The following CPVL variants were observed in gnomAD, a reference collection of about 807,000 sequenced individuals.
CPVL encodes carboxypeptidase vitellogenic like.
Under a neutral mutation model 63.7 loss-of-function variants are expected in CPVL, and 51 were observed. The observed-to-expected ratio is 0.80, with a 90% CI of 0.64 to 1.01. The LOEUF (loss-of-function observed/expected upper bound fraction) is 1.01, where lower values mean the gene tolerates loss of function less well. Among genes scored for constraint, CPVL ranks in the 50% least tolerant of loss-of-function variants. The probability of loss-of-function intolerance (pLI) is 0.00; values close to 1 mark genes in which losing one functional copy is unlikely to be tolerated. For missense variants in CPVL, 530 were observed against 573.1 expected, an observed-to-expected ratio of 0.92 and a Z score of 0.77; for synonymous variants, 195 against 206.0, an observed-to-expected ratio of 0.95 and a Z score of 0.46.
chr7:29,078,670 T>C (rs1784435550), intron 7 of CPVL, among the ~76,000 whole-genome samples: 1 of 152,196 alleles, frequency 6.6e-6, no homozygotes, highest in South Asian at 2.1e-4. Flanking sequence ...TGCTCCAGCA[T>C]GGTAATTCAT....
chr7:29,083,726 G>A (rs1327157765), intron 7 of CPVL, among the ~76,000 whole-genome samples: 1 of 152,116 alleles, frequency 6.6e-6, no homozygotes, highest in East Asian at 1.9e-4. Context: ...ATCAATCAAT[G>A]CCCTGTTTCA....
chr7:29,124,243 A>T (rs916389340), intron 1 of CPVL, among the ~76,000 whole-genome samples: 1 of 152,184 alleles, frequency 6.6e-6, no homozygotes, highest in African/African-American at 2.4e-5. Flanking sequence ...ACCTTATACT[A>T]GACAGAGGAT....
At chr7:29,160,452 T>C (rs769184442) in intron 5 of CPVL, among the ~76,000 whole-genome samples, 4 of 152,216 alleles carry the variant, frequency 2.6e-5, no homozygotes, top group Non-Finnish European at 5.9e-5. Flanking sequence ...AGTTGAGTCA[T>C]GTTTGACCCT....
intron 12 of CPVL, among the ~76,000 whole-genome samples, chr7:29,024,136 G>A (rs984307223): frequency 6.6e-6 from 1 of 152,054 alleles, no homozygotes; most frequent in African/African-American, 2.4e-5. Context: ...TCATCAAAGA[G>A]ACTGATACAT....
upstream of CPVL, among the ~76,000 whole-genome samples, chr7:29,149,640 G>A (rs939698020): frequency 4.6e-5 from 7 of 152,156 alleles, no homozygotes; most frequent in African/African-American, 1.4e-4. Context: ...TCATAGTTCT[G>A]GAGGCTACAA....
intron 6 of CPVL, among the ~76,000 whole-genome samples, chr7:29,092,250 T>C (rs1413788996): frequency 1.3e-5 from 2 of 150,184 alleles, no homozygotes; most frequent in Non-Finnish European, 3.0e-5. Flanking sequence ...ACTAACAAGC[T>C]AAGTTTTCAG....
chr7:29,067,983 T>C (rs938496443), intron 9 of CPVL, among the ~76,000 whole-genome samples: 1 of 151,700 alleles, frequency 6.6e-6, no homozygotes, highest in African/African-American at 2.4e-5. Context: ...CTTGAGAAAA[T>C]AGACTAATTA....
chr7:29,101,606 A>G (rs922467625), intron 3 of CPVL, among the ~76,000 whole-genome samples: 8 of 152,246 alleles, frequency 5.3e-5, no homozygotes, highest in Non-Finnish European at 1.2e-4. Flanking sequence ...AAACAAAAAA[A>G]GCTTTAAAAT....
At chr7:29,143,897 A>G (rs906861447) in intron 1 of CPVL, among the ~76,000 whole-genome samples, 7 of 152,202 alleles carry the variant, frequency 4.6e-5, no homozygotes, top group East Asian at 1.9e-4. Context: ...TATACCTCTA[A>G]TATCTCTTAA....
chr7:29,186,357 T>G (rs1798710648), intron 2 of CPVL: 1 of 152,106 alleles, frequency 6.6e-6, no homozygotes, highest in Non-Finnish European at 1.5e-5. Flanking sequence ...CCAGGGTGGA[T>G]AGATTACCTG....
chr7:29,061,105 G>A (rs1042660551), intron 11 of CPVL, among the ~76,000 whole-genome samples: 1 of 152,144 alleles, frequency 6.6e-6, no homozygotes, highest in Non-Finnish European at 1.5e-5. Flanking sequence ...TCTGGCAACC[G>A]ATTCAGAGTT....
chr7:29,195,059 G>A, intron 1 of CPVL: 2 of 1,498,268 alleles, frequency 1.3e-6, no homozygotes, highest in Non-Finnish European at 1.8e-6. Context: ...CCCGCAGCCT[G>A]GGATGGACAG....
chr7:29,139,942 G>C (rs542213997), intron 1 of CPVL, among the ~76,000 whole-genome samples: 1 of 152,162 alleles, frequency 6.6e-6, no homozygotes, highest in Non-Finnish European at 1.5e-5. Context: ...ATTAGCTATG[G>C]CTGCCATTTC....
chr7:29,192,660 G>A (rs1396511445), intron 1 of CPVL: 1 of 152,216 alleles, frequency 6.6e-6, no homozygotes, highest in Non-Finnish European at 1.5e-5. Context: ...GTACACTGTA[G>A]CTTTCCACAT....
intron 12 of CPVL, among the ~76,000 whole-genome samples, chr7:29,023,775 G>A (rs1338651273): frequency 6.6e-6 from 1 of 152,060 alleles, no homozygotes; most frequent in African/African-American, 2.4e-5. Context: ...CTACATTACT[G>A]TGCCCACCCA....
chr7:29,179,139 C>T (rs1196913521), intron 5 of CPVL, among the ~76,000 whole-genome samples: 1 of 152,166 alleles, frequency 6.6e-6, no homozygotes, highest in East Asian at 1.9e-4. Flanking sequence ...AAAACAGCCC[C>T]TCCATTTTCT....
intron 12 of CPVL, chr7:29,001,367 G>A (rs1031371852): frequency 7.9e-5 from 12 of 152,170 alleles, no homozygotes; most frequent in African/African-American, 2.9e-4. Flanking sequence ...TCTGCTTGTT[G>A]TGGTTTCTGA....
upstream of CPVL, among the ~76,000 whole-genome samples, chr7:29,149,099 A>C (rs1050904826): frequency 6.6e-5 from 10 of 151,768 alleles, no homozygotes; most frequent in African/African-American, 2.2e-4. Context: ...AGGTTAGAAA[A>C]TTAGACTGGA....
chr7:29,034,359 A>G (rs905885558), intron 11 of CPVL, among the ~76,000 whole-genome samples: 1 of 152,024 alleles, frequency 6.6e-6, no homozygotes, highest in Non-Finnish European at 1.5e-5. Context: ...TGCCCACCTC[A>G]GCTTCCTTCC....
Sources: allele counts gnomAD v4.1 joint callset (sites outside exome capture counted in the v4.1 genomes callset), GRCh38; gene constraint gnomAD v4.1.1; transcripts MANE v1.5; gene names NCBI Gene and HGNC (gene_info 2026-07-23, HGNC 2026-07-21).